Variants in MYRIP observed in about 807,000 individuals in gnomAD.
MYRIP encodes myosin VIIA and Rab interacting protein.
MYRIP carries 49 observed loss-of-function variants against 98.0 expected under a neutral mutation model. The ratio of observed to expected loss-of-function variants is 0.50; its 90% confidence interval spans 0.40 to 0.63. The LOEUF (loss-of-function observed/expected upper bound fraction) is 0.63, where lower values mean the gene tolerates loss of function less well. Ranked by LOEUF, MYRIP falls within the 30% of genes least tolerant of loss-of-function variation. MYRIP has a pLI of 0.00. For synonymous variants in MYRIP, 404 were observed against 409.5 expected, an observed-to-expected ratio of 0.99 and a Z score of 0.16; for missense variants, 1,004 against 1,058.2, an observed-to-expected ratio of 0.95 and a Z score of 0.71.
At chr3:40,208,350 C>A (rs1951836292) in intron 10 of MYRIP, among the ~76,000 whole-genome samples, 1 of 152,062 alleles carries the variant, frequency 6.6e-6, no homozygotes, top group South Asian at 2.1e-4. Context: ...AAAACAACTC[C>A]AAGAGGAAAC....
chr3:39,939,759 A>T (rs1944739455), intron 2 of MYRIP, among the ~76,000 whole-genome samples: 1 of 152,220 alleles, frequency 6.6e-6, no homozygotes, highest in Non-Finnish European at 1.5e-5. Flanking sequence ...CAAAAATTAC[A>T]GAACCAAAAT....
chr3:40,114,699 A>AT (rs956733559), intron 3 of MYRIP, among the ~76,000 whole-genome samples: 6 of 152,200 alleles, frequency 3.9e-5, no homozygotes, highest in Admixed American at 3.9e-4. Context: ...AAAGTATTAA[A>AT]TTTTTTCAGA....
chr3:39,852,033 C>G (rs977450233), intron 1 of MYRIP, among the ~76,000 whole-genome samples: 5 of 152,070 alleles, frequency 3.3e-5, no homozygotes, highest in African/African-American at 4.8e-5. Context: ...TTCATTCTTT[C>G]ATTTACTTAG....
chr3:39,868,623 A>G (rs1339989639), intron 1 of MYRIP, among the ~76,000 whole-genome samples: 1 of 152,126 alleles, frequency 6.6e-6, no homozygotes, highest in South Asian at 2.1e-4. Flanking sequence ...TATTTCCTGT[A>G]TTCTGATCCT....
At chr3:39,997,159 C>A (rs1044649970) in intron 2 of MYRIP, among the ~76,000 whole-genome samples, 29 of 152,182 alleles carry the variant, frequency 1.9e-4, no homozygotes, top group Admixed American at 3.3e-4. Context: ...CAAAACCTAG[C>A]AGAAGGCAAG....
At chr3:39,933,978 G>A (rs2125702565) in intron 2 of MYRIP, among the ~76,000 whole-genome samples, 1 of 152,284 alleles carries the variant, frequency 6.6e-6, no homozygotes, top group African/African-American at 2.4e-5. Flanking sequence ...GCACTGCCTG[G>A]GAACTTGTTA....
intron 1 of MYRIP, among the ~76,000 whole-genome samples, chr3:39,835,474 A>AT (rs1348043649): frequency 6.6e-6 from 1 of 152,200 alleles, no homozygotes; most frequent in Non-Finnish European, 1.5e-5. Flanking sequence ...TACCACAAAT[A>AT]TTTTATTAAC....
At chr3:39,875,007 C>G (rs1942941005) in intron 1 of MYRIP, among the ~76,000 whole-genome samples, 1 of 152,116 alleles carries the variant, frequency 6.6e-6, no homozygotes, top group Non-Finnish European at 1.5e-5. Flanking sequence ...TGATTATTGC[C>G]ACAATTTCGG....
chr3:40,080,104 G>T (rs937389498), intron 3 of MYRIP, among the ~76,000 whole-genome samples: 8 of 152,178 alleles, frequency 5.3e-5, no homozygotes, highest in Non-Finnish European at 1.5e-5. Flanking sequence ...GTGTGTGTGA[G>T]ATTGGCTGTA....
rs548457357 is a variant in MYRIP at position 39,884,173 on chromosome 3, A to G, written c.-30-16614A>G. On this transcript the variant is annotated intron_variant, in intron 1 of 16. Transcript: ENST00000302541. ...CTGGAAGACCATGGAATACTATCCT[A>G]AAGTGCTAAAAGGAAACAGCATCTA... Among the ~76,000 whole-genome samples, 11 of 152,218 alleles carry G rather than the reference A, an allele frequency of 7.2e-5. No homozygotes were observed. In the East Asian group the frequency reaches 2.1e-3, roughly 29 times the overall value.
At chr3:39,955,274 A>T (rs1945127093) in intron 2 of MYRIP, among the ~76,000 whole-genome samples, 1 of 152,200 alleles carries the variant, frequency 6.6e-6, no homozygotes, top group Non-Finnish European at 1.5e-5. Flanking sequence ...GGGCAGCCAG[A>T]GAGAAAGGTC....
chr3:40,210,257 C>T (rs1951888476), intron 11 of MYRIP, among the ~76,000 whole-genome samples, 164 bp downstream of exon 11: 1 of 152,166 alleles, frequency 6.6e-6, no homozygotes, highest in Non-Finnish European at 1.5e-5. Context: ...TCTTAACTTG[C>T]ACTGGGGGGT....
chr3:39,931,883 T>A (rs1446745984), intron 2 of MYRIP, among the ~76,000 whole-genome samples: 1 of 152,216 alleles, frequency 6.6e-6, no homozygotes, highest in African/African-American at 2.4e-5. Context: ...TTTGATCATT[T>A]TTATATGTTG....
rs1949660854 is a variant in MYRIP, at chr3:40,132,281, A to G, written c.333-18767A>G. Among the ~76,000 whole-genome samples, 3 of 152,186 alleles carry G rather than the reference A, an allele frequency of 2.0e-5. No homozygotes were observed. The South Asian group carries it at 6.2e-4, about 31-fold the overall frequency. ...TAAAATTAGAACTTAGTTACAGAAG[A>G]GAGGTTTACTCTGAAGCATGTCACC... On this transcript the variant is annotated intron_variant, in intron 3 of 16. Coordinates refer to ENST00000302541, the MANE Select transcript of MYRIP (RefSeq NM_015460.4).
At chr3:40,179,538 A>G (rs1207776849) in intron 8 of MYRIP, among the ~76,000 whole-genome samples, 2 of 152,160 alleles carry the variant, frequency 1.3e-5, no homozygotes, top group African/African-American at 4.8e-5. Context: ...CCCTTTTTAA[A>G]CTTGTATTCA....
chr3:39,854,560 AT>A (rs916581812), intron 1 of MYRIP, among the ~76,000 whole-genome samples: 10 of 152,080 alleles, frequency 6.6e-5, no homozygotes, highest in African/African-American at 2.4e-4. Flanking sequence ...GTTTTTTAAA[AT>A]TTTTTTAAGT....
intron 2 of MYRIP, among the ~76,000 whole-genome samples, chr3:40,020,689 C>T (rs1466383932): frequency 3.3e-5 from 5 of 152,182 alleles, no homozygotes; most frequent in Non-Finnish European, 5.9e-5. Context: ...AAGAACTGTA[C>T]GTGTAGCAAA....
intron 3 of MYRIP, among the ~76,000 whole-genome samples, chr3:40,142,701 T>C (rs1949931926): frequency 6.6e-6 from 1 of 151,970 alleles, no homozygotes. Flanking sequence ...TCAAGCAATC[T>C]GACTGTCTCA....
intron 2 of MYRIP, among the ~76,000 whole-genome samples, chr3:39,980,662 G>A (rs948811975): frequency 2.0e-5 from 3 of 152,184 alleles, no homozygotes; most frequent in African/African-American, 7.2e-5. Flanking sequence ...TGCTCTATAT[G>A]ATATTCACTG....
Sources: gnomAD v4.1 joint callset for allele counts (sites outside exome capture counted in the v4.1 genomes callset) on GRCh38, gnomAD v4.1.1 for gene constraint, MANE v1.5 for transcripts, NCBI Gene and HGNC (gene_info 2026-07-23, HGNC 2026-07-21) for gene names.